The following ANGPTL5 variants were observed in gnomAD, a reference collection of about 807,000 sequenced individuals.
The protein encoded by ANGPTL5 is angiopoietin like 5.
Under a neutral mutation model 39.4 loss-of-function variants are expected in ANGPTL5, and 34 were observed. The observed-to-expected ratio is 0.86, with a 90% confidence interval of 0.66 to 1.15. The LOEUF is 1.15. ANGPTL5 is among the 50% of genes most tolerant of loss of function. ANGPTL5 has a pLI of 0.00. For synonymous variants in ANGPTL5, 146 were observed against 152.1 expected (o/e 0.96, Z 0.29); for missense variants, 467 against 457.5 (o/e 1.02, Z -0.19).
chr11:101,900,502 T>C lies in ANGPTL5; in HGVS notation c.589A>G (p.Lys197Glu), dbSNP rs143533861. The C allele has an allele frequency of 6.2e-6, 10 of 1,613,070 alleles. No homozygotes were observed. Among genetic ancestry groups the C allele is most frequent in the Non-Finnish European group, 8.5e-6 (10 of 1,179,300 alleles). The change falls in exon 7 of 9, where the codon AAA becomes GAA. Residue 197 changes from lysine to glutamate, a missense_variant. Coordinates refer to ENST00000334289, the MANE Select transcript of ANGPTL5 (RefSeq NM_178127.5). ...AAATCAATTATCCCATCAATTCTTT[T>C]CTGTATCACAGTCCGTCCACCTCCT... is the stretch of plus-strand genomic sequence containing the variant. ...YRGGGRTVIQKRIDGIIDFQR... is the reference protein window; with the variant it reads ...YRGGGRTVIQERIDGIIDFQR...
At chr11:101,912,822 T>C (rs941171005) in intron 1 of ANGPTL5, among the ~76,000 whole-genome samples, 2 of 152,138 alleles carry the variant, frequency 1.3e-5, no homozygotes, top group Middle Eastern at 3.2e-3. Context: ...CTCTTCCTGT[T>C]GTAGTTTGGA....
intron 6 of ANGPTL5, 142 bp from the exon 7 acceptor site, chr11:101,900,692 TA>T: frequency 1.2e-6 from 1 of 813,302 alleles, no homozygotes; most frequent in Non-Finnish European, 2.0e-6. Flanking sequence ...GCCATTAATT[TA>T]TTCAGATGTT....
intron 7 of ANGPTL5, among the ~76,000 whole-genome samples, chr11:101,897,033 T>C (rs1939810042): frequency 6.6e-6 from 1 of 152,252 alleles, no homozygotes; most frequent in Non-Finnish European, 1.5e-5. Flanking sequence ...TCCTGACTTT[T>C]TACTTATCAC....
At chr11:101,913,899 C>T (rs1035806468) in intron 1 of ANGPTL5, among the ~76,000 whole-genome samples, 2 of 152,160 alleles carry the variant, frequency 1.3e-5, no homozygotes, top group African/African-American at 4.8e-5. Context: ...GCCAAGTGTC[C>T]AGTTGTATAC....
At chr11:101,901,957 G>A (rs897656710) in intron 6 of ANGPTL5, among the ~76,000 whole-genome samples, 13 of 151,416 alleles carry the variant, frequency 8.6e-5, no homozygotes, top group African/African-American at 2.4e-4. Flanking sequence ...GTGTGTGTGC[G>A]TGTGTATATA....
intron 1 of ANGPTL5, among the ~76,000 whole-genome samples, chr11:101,911,091 A>G (rs1940084152): frequency 1.0e-5 from 1 of 97,122 alleles, no homozygotes; most frequent in South Asian, 3.4e-4. Context: ...TCCCTACCCA[A>G]ATCTTTTTTT....
intron 4 of ANGPTL5, 52 bp from the exon 5 acceptor site, chr11:101,904,959 T>C: frequency 7.3e-7 from 1 of 1,366,280 alleles, no homozygotes; most frequent in Non-Finnish European, 1.0e-6. Flanking sequence ...GAAATTGCCA[T>C]CTCTAAGCCT....
chr11:101,894,887 C>T lies in ANGPTL5; in HGVS notation c.839G>A (p.Gly280Glu). The T allele has an allele frequency of 2.5e-6, 4 of 1,612,384 alleles. No homozygotes were observed. Among genetic ancestry groups the T allele is most frequent in the Non-Finnish European group, 3.4e-6 (4 of 1,178,726 alleles). ...AATAAAAAAAATCTTACCAGCATTT[C>T]CTGAATACCGTCCTAAGTGCATTTT... ...FFKMHLGRYS[G>E]NAGDAFRGLK... The change falls in exon 8 of 9, where the codon GGA (glycine) becomes GAA (glutamate). Residue 280 changes from glycine (G) to glutamate (E), a missense_variant. Gly to Glu is a moderately conservative substitution (Grantham distance 98, BLOSUM62 -2). Transcript: ENST00000334289.
At chr11:101,915,496 GAC>G (rs1940189716) in intron 1 of ANGPTL5, 9 of 1,500,990 alleles carry the variant, frequency 6.0e-6, no homozygotes, top group Non-Finnish European at 8.1e-6. Flanking sequence ...CATTACCTTT[GAC>G]GCAGGGTGAT....
In ANGPTL5 at chr11:101,907,147, T is replaced by C; in HGVS notation, c.197A>G (p.Asp66Gly). Residue 66 changes from aspartate to glycine, a missense_variant, in exon 3 of 9, where the codon GAT (aspartate) becomes GGT (glycine). Coordinates refer to ENST00000334289, the MANE Select transcript of ANGPTL5 (RefSeq NM_178127.5). ...VCKEDCEESCDVKTKITREEK... is the reference protein window; with the variant it reads ...VCKEDCEESCGVKTKITREEK... The stretch of plus-strand genomic sequence containing the variant: ...TTCTCGTGTAATTTTAGTTTTAACA[T>C]CACATGATTCCTCACAGTCTTCCTT... 1.3e-6 allele frequency: 2 copies of C among 1,592,960 alleles called. No individual in the cohort carries two copies. The highest frequency in any genetic ancestry group is 1.7e-6 in the Non-Finnish European group (2 of 1,164,042).
Position 101,895,257 on chromosome 11 carries a change from A to G in ANGPTL5, c.662-193T>C, listed in dbSNP as rs539939696. Among the ~76,000 whole-genome samples the G allele has an allele frequency of 2.0e-5, 3 of 152,308 alleles. No individual in the cohort carries two copies. The South Asian group carries it at 6.2e-4, about 32-fold the overall frequency. ...TAAAACAAACAAAATTCCTACTTCT[A>G]CTTCACCAGACTTGAGAAAATCAGA... On this transcript the variant is annotated intron_variant, in intron 7 of 8. Coordinates refer to ENST00000334289, the MANE Select transcript of ANGPTL5 (RefSeq NM_178127.5).
chr11:101,895,138 C>A, intron 7 of ANGPTL5, 74 bp from the exon 8 acceptor site: 1 of 1,256,140 alleles, frequency 8.0e-7, no homozygotes, highest in South Asian at 1.5e-5. Context: ...AATGTTTGGT[C>A]TTGTTTAGCA....
chr11:101,899,547 T>C (rs983738467), intron 7 of ANGPTL5, among the ~76,000 whole-genome samples: 1 of 152,184 alleles, frequency 6.6e-6, no homozygotes, highest in African/African-American at 2.4e-5. Context: ...TGCATATGGA[T>C]CTATAACTAC....
chr11:101,895,847 T>C (rs1327072641), intron 7 of ANGPTL5, among the ~76,000 whole-genome samples: 2 of 152,176 alleles, frequency 1.3e-5, no homozygotes, highest in Admixed American at 6.5e-5. Context: ...AATCATAAAA[T>C]TATTAAAGAA....
At chr11:101,908,929 T>C (rs950396636) in intron 1 of ANGPTL5, among the ~76,000 whole-genome samples, 3 of 152,138 alleles carry the variant, frequency 2.0e-5, no homozygotes, top group African/African-American at 7.2e-5. Context: ...CTTTGAAGGT[T>C]GATAGATGAA....
At chr11:101,897,659 G>A (rs1939824113) in intron 7 of ANGPTL5, among the ~76,000 whole-genome samples, 1 of 152,096 alleles carries the variant, frequency 6.6e-6, no homozygotes, top group Non-Finnish European at 1.5e-5. Flanking sequence ...AAGATCAGAT[G>A]GTTGTAGATT....
rs762983900 is a variant in ANGPTL5 at position 101,902,659 on chromosome 11, A to G, written c.502T>C (p.Tyr168His). ...GSVTKTPSGL[Y>H]IIHPEGSSYP... The stretch of plus-strand genomic sequence containing the variant: ...CTAGATCCTTCTGGGTGAATTATGT[A>G]TAAACCACTCGGTGTTTTGGTGACA... The change falls in exon 6 of 9, where the codon TAC (tyrosine) becomes CAC (histidine). Residue 168 changes from tyrosine to histidine, a missense_variant. Transcript: ENST00000334289. The G allele has an allele frequency of 1.2e-6, 2 of 1,612,058 alleles. No individual in the cohort carries two copies. Among genetic ancestry groups the G allele is most frequent in the South Asian group, 1.1e-5 (1 of 90,936 alleles).
At chr11:101,902,153 C>T (rs909893234) in intron 6 of ANGPTL5, among the ~76,000 whole-genome samples, 5 of 152,030 alleles carry the variant, frequency 3.3e-5, no homozygotes, top group African/African-American at 7.2e-5. Flanking sequence ...ATTTCTCATA[C>T]AATCACATAA....
chr11:101,912,869 T>C (rs1467884203), intron 1 of ANGPTL5, among the ~76,000 whole-genome samples: 2 of 152,186 alleles, frequency 1.3e-5, no homozygotes, highest in Non-Finnish European at 2.9e-5. Context: ...GTAGAGATCA[T>C]TAGACTGACG....
Sources: gnomAD v4.1 joint callset for allele counts (sites outside exome capture counted in the v4.1 genomes callset) on GRCh38, gnomAD v4.1.1 for gene constraint, MANE v1.5 for transcripts, NCBI Gene and HGNC (gene_info 2026-07-23, HGNC 2026-07-21) for gene names.